The following CTNNA3 variants were observed in gnomAD, a reference collection of about 807,000 sequenced individuals.
CTNNA3 encodes the protein catenin alpha 3, also known as catenin alpha-3.
A neutral mutation model predicts 95.7 loss-of-function variants in CTNNA3; 76 were observed. That is an observed-to-expected ratio of 0.79 (90% confidence interval 0.66 to 0.96). The LOEUF is 0.96. Ranked by LOEUF, CTNNA3 falls within the 40% of genes least tolerant of loss-of-function variation. CTNNA3 has a pLI of 0.00. For missense variants in CTNNA3, 1,191 were observed against 1,089.8 expected (o/e 1.09, Z -1.31); for synonymous variants, 431 against 374.4 (o/e 1.15, Z -1.74).
chr10:67,509,541 A>G (rs1839540058), intron 5 of CTNNA3, among the ~76,000 whole-genome samples: 2 of 152,134 alleles, frequency 1.3e-5, no homozygotes, highest in Admixed American at 1.3e-4. Flanking sequence ...TTATGGCTGT[A>G]TAGTATTCCA....
rs182162221 is a variant in CTNNA3, at chr10:66,387,514, A to C, written c.1532-8162T>G. On this transcript the variant is annotated intron_variant, in intron 11 of 17. Transcript: ENST00000433211. ...TGTTGGTGGGTGTGTAAATTGGTTC[A>C]ACCATTGTGGAAGATATTGTGGCGA... 3.3e-5 allele frequency among the ~76,000 whole-genome samples: 5 copies of C among 152,310 alleles called. No individual in the cohort carries two copies. The East Asian group carries it at 7.7e-4, about 24-fold the overall frequency.
chr10:66,310,426 C>T (rs2132257773), intron 12 of CTNNA3, among the ~76,000 whole-genome samples: 1 of 152,268 alleles, frequency 6.6e-6, no homozygotes, highest in South Asian at 2.1e-4. Context: ...TTTCTGTACC[C>T]TAAACTATTT....
rs546783609 is a variant in CTNNA3 at position 66,023,273 on chromosome 10, C to T, written c.2160-34476G>A. On this transcript the variant is annotated intron_variant, in intron 15 of 17. Coordinates refer to ENST00000433211, the MANE Select transcript of CTNNA3 (RefSeq NM_013266.4). ...GTAGTTCGTGGAATTGCAATGTTTA[C>T]TTATGTTGCAACAGAGGAATCAGTC... is the stretch of plus-strand genomic sequence containing the variant. 5.9e-5 allele frequency among the ~76,000 whole-genome samples: 9 copies of T among 152,266 alleles called. No individual in the cohort carries two copies. In the South Asian group the frequency reaches 1.2e-3, roughly 21 times the overall value.
At chr10:65,999,595 C>G (rs983829913) in intron 15 of CTNNA3, among the ~76,000 whole-genome samples, 1 of 152,078 alleles carries the variant, frequency 6.6e-6, no homozygotes, top group South Asian at 2.1e-4. Flanking sequence ...TACTGAATGC[C>G]AAACAAAATA....
At chr10:66,970,984 C>T (rs1168895808) in intron 7 of CTNNA3, among the ~76,000 whole-genome samples, 1 of 152,036 alleles carries the variant, frequency 6.6e-6, no homozygotes, top group African/African-American at 2.4e-5. Flanking sequence ...GTTTTCTTTC[C>T]TTTCTTCTTT....
intron 5 of CTNNA3, among the ~76,000 whole-genome samples, chr10:67,422,503 A>C (rs1845781086): frequency 6.6e-6 from 1 of 152,162 alleles, no homozygotes; most frequent in Non-Finnish European, 1.5e-5. Context: ...AACTGAAATG[A>C]AGTTACCCCA....
At chr10:67,145,434 T>C (rs1203427418) in intron 7 of CTNNA3, among the ~76,000 whole-genome samples, 22 of 114,860 alleles carry the variant, frequency 1.9e-4, no homozygotes, top group Non-Finnish European at 3.7e-4. Context: ...TAAATTTTTT[T>C]AGTTTTTTTT....
intron 12 of CTNNA3, among the ~76,000 whole-genome samples, chr10:66,292,459 A>G (rs2091698974): frequency 6.6e-6 from 1 of 152,132 alleles, no homozygotes. Flanking sequence ...TTAAGTTATC[A>G]TTGAATCAGT....
chr10:66,823,823 G>A (rs566950081), intron 7 of CTNNA3, among the ~76,000 whole-genome samples: 14 of 152,220 alleles, frequency 9.2e-5, no homozygotes, highest in African/African-American at 3.4e-4. Context: ...CTAACTGACA[G>A]ACTCAATGAC....
chr10:66,659,880 T>C (rs1355663231), intron 9 of CTNNA3, among the ~76,000 whole-genome samples: 1 of 152,176 alleles, frequency 6.6e-6, no homozygotes, highest in East Asian at 1.9e-4. Context: ...GGTATTGTTT[T>C]ATAGCAGCCC....
intron 9 of CTNNA3, among the ~76,000 whole-genome samples, chr10:66,722,157 T>A (rs1848647820): frequency 6.6e-6 from 1 of 151,978 alleles, no homozygotes; most frequent in African/African-American, 2.4e-5. Flanking sequence ...GGCGGGTGGA[T>A]CACGAGGTCA....
chr10:66,094,188 G>A (rs1197638559), intron 14 of CTNNA3, among the ~76,000 whole-genome samples: 1 of 151,970 alleles, frequency 6.6e-6, no homozygotes, highest in Admixed American at 6.6e-5. Context: ...TAGGAATTGT[G>A]TTTCTCAGAG....
In CTNNA3 at chr10:66,813,845, AGTGTGTGTGTGT is replaced by A. The variant is rs66464661; in HGVS notation, c.1048-38333_1048-38322del. On this transcript the variant is annotated intron_variant, in intron 7 of 17. Transcript: ENST00000433211. ...TGGGGGAAGGGCGTGTGTGTGTGTG[AGTGTGTGTGTGT>A]GTGTGTGTGTGTGTTTGAAAGGAGA... 4.7e-5 allele frequency among the ~76,000 whole-genome samples: 7 copies of A among 149,736 alleles called. No individual in the cohort carries two copies. In the East Asian group the frequency reaches 1.2e-3, roughly 25 times the overall value.
chr10:67,401,559 G>T (rs1214632082), intron 5 of CTNNA3, among the ~76,000 whole-genome samples: 1 of 152,132 alleles, frequency 6.6e-6, no homozygotes, highest in Non-Finnish European at 1.5e-5. Context: ...AAGGATATGG[G>T]TTATTTCCAT....
At chr10:66,858,480 C>T (rs878939737) in intron 7 of CTNNA3, among the ~76,000 whole-genome samples, 5 of 151,864 alleles carry the variant, frequency 3.3e-5, no homozygotes, top group African/African-American at 4.8e-5. Flanking sequence ...GAATAGTACC[C>T]GCTTTTTTAT....
intron 1 of CTNNA3, among the ~76,000 whole-genome samples, chr10:67,694,310 G>A (rs1840923222): frequency 6.6e-6 from 1 of 151,898 alleles, no homozygotes; most frequent in South Asian, 2.1e-4. Flanking sequence ...AAGTATTTTG[G>A]TATCTATGTG....
chr10:66,049,987 C>CA (rs1564603815), intron 15 of CTNNA3, among the ~76,000 whole-genome samples: 3 of 151,880 alleles, frequency 2.0e-5, no homozygotes, highest in African/African-American at 7.3e-5. Flanking sequence ...ACCACACACA[C>CA]AAAAAAGAGA....
At chr10:67,353,851 G>C (rs1251741913) in intron 5 of CTNNA3, among the ~76,000 whole-genome samples, 3 of 152,016 alleles carry the variant, frequency 2.0e-5, no homozygotes, top group Non-Finnish European at 4.4e-5. Context: ...AGACTGGAAT[G>C]AAGAGGAAGG....
intron 12 of CTNNA3, among the ~76,000 whole-genome samples, chr10:66,314,755 C>G (rs1229255702): frequency 6.6e-6 from 1 of 151,974 alleles, no homozygotes; most frequent in East Asian, 1.9e-4. Flanking sequence ...TTCAAACTGT[C>G]TTTTACAAGA....
Sources: allele counts gnomAD v4.1 joint callset (sites outside exome capture counted in the v4.1 genomes callset), GRCh38; gene constraint gnomAD v4.1.1; transcripts MANE v1.5; gene names NCBI Gene and HGNC (gene_info 2026-07-23, HGNC 2026-07-21).